MYO5A: variants seen among roughly 807,000 people sequenced by gnomAD.
MYO5A encodes the protein unconventional myosin-Va.
MYO5A carries 98 observed loss-of-function variants against 249.7 expected under a neutral mutation model. The observed-to-expected ratio is 0.39, with a 90% CI of 0.33 to 0.46. The LOEUF is 0.46. Ranked by LOEUF, MYO5A falls within the 20% of genes least tolerant of loss-of-function variation. MYO5A has a pLI of 0.98. For missense variants in MYO5A, 1,696 were observed against 2,308.8 expected (o/e 0.73, Z 5.44); for synonymous variants, 778 against 810.6 (o/e 0.96, Z 0.68).
At chr15:52,504,980 G>A (rs1381545180) in intron 1 of MYO5A, among the ~76,000 whole-genome samples, 7 of 152,056 alleles carry the variant, frequency 4.6e-5, no homozygotes, top group Admixed American at 3.3e-4. Context: ...AGGTTATCTC[G>A]GGGCTATTCT....
rs931887483 is a variant in MYO5A at position 52,523,826 on chromosome 15, T to C, written c.27+4954A>G. Among the ~76,000 whole-genome samples the C allele has an allele frequency of 3.9e-5, 6 of 152,354 alleles. No individual in the cohort carries two copies. The South Asian group carries it at 8.3e-4, about 21-fold the overall frequency. On this transcript the variant is annotated intron_variant, in intron 1 of 41. Coordinates refer to ENST00000399233, the MANE Select transcript of MYO5A (RefSeq NM_001382347.1). ...GCATGACAGGAGACTTGAGGACAGC[T>C]AACATCCTTGCCAAACTCCAAGTCA...
At chr15:52,477,108 T>C (rs1043780558) in intron 1 of MYO5A, among the ~76,000 whole-genome samples, 11 of 152,236 alleles carry the variant, frequency 7.2e-5, no homozygotes, top group Middle Eastern at 3.2e-3. Context: ...CTCTTTTTTC[T>C]CTAAACTTCT....
intron 16 of MYO5A, among the ~76,000 whole-genome samples, chr15:52,382,316 G>A (rs1381347412): frequency 2.0e-5 from 3 of 152,276 alleles, no homozygotes; most frequent in South Asian, 2.1e-4. Flanking sequence ...GGTGGCTCGC[G>A]CCTGTAATCC....
At chr15:52,396,444 G>T in intron 10 of MYO5A, 47 bp from the exon 11 acceptor site, 1 of 1,145,310 alleles carries the variant, frequency 8.7e-7, no homozygotes. Flanking sequence ...GGAACAAAAA[G>T]CTTTTTAAAA....
intron 35 of MYO5A, among the ~76,000 whole-genome samples, chr15:52,329,833 G>A (rs2038786954): frequency 1.3e-5 from 2 of 151,138 alleles, no homozygotes; most frequent in South Asian, 4.2e-4. Context: ...TGAACTCCTG[G>A]GCTTACATGA....
At chr15:52,375,256 G>T in intron 20 of MYO5A, 48 bp downstream of exon 20, 1 of 1,590,160 alleles carries the variant, frequency 6.3e-7, no homozygotes, top group Non-Finnish European at 8.6e-7. Flanking sequence ...TGTGAAATTT[G>T]GTTAATGCTA....
intron 16 of MYO5A, among the ~76,000 whole-genome samples, chr15:52,380,789 C>T (rs931423275): frequency 4.6e-5 from 7 of 152,074 alleles, no homozygotes; most frequent in Non-Finnish European, 1.0e-4. Flanking sequence ...AACAACACAG[C>T]ACTCCTTTGC....
chr15:52,411,487 T>C (rs2043244724), intron 5 of MYO5A, among the ~76,000 whole-genome samples: 1 of 152,018 alleles, frequency 6.6e-6, no homozygotes, highest in African/African-American at 2.4e-5. Context: ...TAATGACATA[T>C]GTCTTTCTGA....
At chr15:52,316,152 T>C (rs2037998274) in intron 40 of MYO5A, among the ~76,000 whole-genome samples, 1 of 136,140 alleles carries the variant, frequency 7.3e-6, no homozygotes, top group Non-Finnish European at 1.5e-5. Context: ...GAGAATGGCG[T>C]GAACCTGGGA....
chr15:52,345,933 A>C (rs981925415), intron 30 of MYO5A, among the ~76,000 whole-genome samples: 4 of 152,170 alleles, frequency 2.6e-5, no homozygotes, highest in African/African-American at 9.7e-5. Context: ...GCCAACACTG[A>C]GTGATTCCAG....
At chr15:52,520,714 C>A (rs1011348772) in intron 1 of MYO5A, among the ~76,000 whole-genome samples, 6 of 152,170 alleles carry the variant, frequency 3.9e-5, no homozygotes, top group African/African-American at 1.4e-4. Context: ...AGTCAATGTG[C>A]CAAACCTCTC....
chr15:52,456,947 A>T (rs146168312), intron 1 of MYO5A, among the ~76,000 whole-genome samples: 85 of 152,326 alleles, frequency 5.6e-4, no homozygotes, highest in African/African-American at 1.9e-3. Flanking sequence ...GAAAAACAAA[A>T]ATAGACAAGC....
intron 1 of MYO5A, 127 bp from the exon 2 acceptor site, chr15:52,433,412 A>ATTTT: frequency 1.9e-5 from 7 of 362,150 alleles, no homozygotes; most frequent in South Asian, 5.8e-5. Context: ...CATGAAATTC[A>ATTTT]CTTTTTTTTT....
intron 1 of MYO5A, among the ~76,000 whole-genome samples, chr15:52,528,115 C>T (rs2077758585): frequency 6.6e-6 from 1 of 152,056 alleles, no homozygotes; most frequent in Non-Finnish European, 1.5e-5. Flanking sequence ...ATGGTAAAGA[C>T]ATGGAGCCTA....
chr15:52,311,396 T>C lies in MYO5A; in HGVS notation c.*2300A>G, dbSNP rs912480946. On this transcript the variant is annotated 3_prime_UTR_variant, in exon 42 of 42. Coordinates refer to ENST00000399233, the MANE Select transcript of MYO5A (RefSeq NM_001382347.1). ...TCTGACACATTTGGTACGAACCAAA[T>C]GGCTATGACTTAATTGTGCATTGAA... The C allele has an allele frequency of 6.6e-6, 1 of 152,184 alleles. No individual in the cohort carries two copies. The highest frequency in any genetic ancestry group is 1.5e-5 in the Non-Finnish European group (1 of 68,038). The allele number at this position is 152,184 out of a possible 1,614,324, so 9.4% of individuals were successfully genotyped here.
chr15:52,501,053 T>C (rs2077146721), intron 1 of MYO5A, among the ~76,000 whole-genome samples: 2 of 151,922 alleles, frequency 1.3e-5, no homozygotes, highest in Admixed American at 1.3e-4. Flanking sequence ...CGCTGCAAGC[T>C]CCGCCTCCCG....
chr15:52,472,000 T>G lies in MYO5A; in HGVS notation c.28-38715A>C, dbSNP rs553851886. 7.9e-5 allele frequency among the ~76,000 whole-genome samples: 12 copies of G among 152,078 alleles called. 1 individual carries two copies. In the South Asian group the frequency reaches 2.3e-3, roughly 29 times the overall value. On this transcript the variant is annotated intron_variant, in intron 1 of 41. Coordinates refer to ENST00000399233, the MANE Select transcript of MYO5A (RefSeq NM_001382347.1). ...AGGCATGAGCCACTGTTTCTGGTCCTCAGTGATTTTCTTAATGGCATCTGG... is the reference window on the plus strand; with the variant it reads ...AGGCATGAGCCACTGTTTCTGGTCCGCAGTGATTTTCTTAATGGCATCTGG...
At chr15:52,332,286 T>G (rs990127001) in intron 34 of MYO5A, among the ~76,000 whole-genome samples, 1 of 152,178 alleles carries the variant, frequency 6.6e-6, no homozygotes, top group Non-Finnish European at 1.5e-5. Context: ...ATGCTATCGG[T>G]TATGAAATAC....
At chr15:52,487,134 G>T (rs1389979318) in intron 1 of MYO5A, among the ~76,000 whole-genome samples, 1 of 152,182 alleles carries the variant, frequency 6.6e-6, no homozygotes, top group African/African-American at 2.4e-5. Context: ...ATGGGTACTA[G>T]GGCCGAAGCA....
Sources: gnomAD v4.1 joint callset for allele counts (sites outside exome capture counted in the v4.1 genomes callset) on GRCh38, gnomAD v4.1.1 for gene constraint, MANE v1.5 for transcripts, NCBI Gene and HGNC (gene_info 2026-07-23, HGNC 2026-07-21) for gene names.